CNOT7: variants seen among roughly 807,000 people sequenced by gnomAD.
CNOT7 encodes the protein BTG1-binding factor 1.
Under a neutral mutation model 37.1 loss-of-function variants are expected in CNOT7, and 4 were observed. That is an observed-to-expected ratio of 0.11 (90% CI 0.05 to 0.25). CNOT7 has a LOEUF of 0.25. Ranked by LOEUF, CNOT7 falls within the 10% of genes least tolerant of loss-of-function variation. The pLI, the probability that CNOT7 is intolerant of heterozygous loss-of-function variation, is 1.00. For missense variants in CNOT7, 170 were observed against 336.2 expected, an observed-to-expected ratio of 0.51 and a Z score of 3.87; for synonymous variants, 128 against 115.6, an observed-to-expected ratio of 1.11 and a Z score of -0.69.
chr8:17,236,038 CT>C (rs1006611370), intron 4 of CNOT7, among the ~76,000 whole-genome samples: 1 of 151,740 alleles, frequency 6.6e-6, no homozygotes, highest in African/African-American at 2.4e-5. Context: ...AGAAAAATGA[CT>C]AAAAAAAAGG....
At chr8:17,244,804 T>C in intron 2 of CNOT7, 3 of 435,224 alleles carry the variant, frequency 6.9e-6, no homozygotes, top group South Asian at 6.1e-5. Flanking sequence ...AAACGGCCCA[T>C]GGTTCCCATG....
chr8:17,230,130 CTTT>C lies in CNOT7; in HGVS notation c.*587_*589del, dbSNP rs1205596563. 6.6e-6 allele frequency: 1 copy of C among 152,392 alleles called. No homozygotes were observed. Among genetic ancestry groups the C allele is most frequent in the Non-Finnish European group, 1.5e-5 (1 of 67,906 alleles). The allele number at this position is 152,392 out of a possible 1,614,324, so 9.4% of individuals were successfully genotyped here. On this transcript the variant is annotated 3_prime_UTR_variant, in exon 7 of 7. Transcript: ENST00000361272. Reference sequence around the variant, plus strand: ...ACTAAGCTCCTCAGTAGTTTCTTGTCTTTTTTAAGTTTCGCTGAATCGACAGTT... The same window carrying C: ...ACTAAGCTCCTCAGTAGTTTCTTGTCTTTAAGTTTCGCTGAATCGACAGTT...
chr8:17,234,431 T>G (rs1809063959), intron 5 of CNOT7, among the ~76,000 whole-genome samples: 1 of 152,148 alleles, frequency 6.6e-6, no homozygotes, highest in African/African-American at 2.4e-5. Flanking sequence ...CTCAGATTTG[T>G]GTTTTGGTTT....
rs1585795939 is a variant in CNOT7 at position 17,234,966 on chromosome 8, C to T, written c.474-106G>A. 7.9e-6 allele frequency: 7 copies of T among 889,722 alleles called. No individual in the cohort carries two copies. The East Asian group carries it at 1.3e-4, about 17-fold the overall frequency. 55.1% of individuals were successfully genotyped at this position (889,722 alleles called of 1,614,324 possible). On this transcript the variant is annotated intron_variant, in intron 4 of 6. Coordinates refer to ENST00000361272, the MANE Select transcript of CNOT7 (RefSeq NM_013354.7). ...TTTAAGCAAGTCACACTAGAGCCCT[C>T]CCAAAAACATTAAAGAGAAGTGCAC... is the stretch of plus-strand genomic sequence containing the variant.
intron 4 of CNOT7, among the ~76,000 whole-genome samples, chr8:17,236,730 C>T (rs939432104): frequency 1.3e-5 from 2 of 152,134 alleles, no homozygotes; most frequent in African/African-American, 2.4e-5. Context: ...GTCTGCCCAC[C>T]CCCATGAGAA....
chr8:17,226,162 T>C lies in CNOT7; in HGVS notation c.*4558A>G, dbSNP rs1164608522. On this transcript the variant is annotated 3_prime_UTR_variant, in exon 7 of 7. Coordinates refer to ENST00000361272, the MANE Select transcript of CNOT7 (RefSeq NM_013354.7). ...TTCACCAAATTTTTATTCTAAAAAT[T>C]GAAAACTCAAAATATTGAGTACAAT... is the stretch of plus-strand genomic sequence containing the variant. The C allele has an allele frequency of 1.3e-5, 2 of 148,998 alleles. No homozygotes were observed. The allele number at this position is 148,998 out of a possible 1,614,324, so 9.2% of individuals were successfully genotyped here.
Position 17,227,572 on chromosome 8 carries a change from T to C in CNOT7, c.*3148A>G, listed in dbSNP as rs1808244500. 6.6e-6 allele frequency: 1 copy of C among 151,964 alleles called. No homozygotes were observed. Among genetic ancestry groups the C allele is most frequent in the South Asian group, 2.1e-4 (1 of 4,834 alleles). The allele number at this position is 151,964 out of a possible 1,614,324, so 9.4% of individuals were successfully genotyped here. On this transcript the variant is annotated 3_prime_UTR_variant, in exon 7 of 7. Coordinates refer to ENST00000361272, the MANE Select transcript of CNOT7 (RefSeq NM_013354.7). ...TTCTTTGCTTGGCTAACAAATAGGCTACTTGTAAACATTTTGGTTGCAGCC... is the reference window on the plus strand; with the variant it reads ...TTCTTTGCTTGGCTAACAAATAGGCCACTTGTAAACATTTTGGTTGCAGCC...
chr8:17,245,597 T>C (rs1484515014), intron 1 of CNOT7, among the ~76,000 whole-genome samples: 2 of 152,230 alleles, frequency 1.3e-5, no homozygotes, highest in Non-Finnish European at 2.9e-5. Context: ...ATTACTTATT[T>C]ACATGTGACA....
intron 6 of CNOT7, 38 bp downstream of exon 6, chr8:17,232,389 A>C: frequency 6.2e-7 from 1 of 1,613,530 alleles, no homozygotes; most frequent in Non-Finnish European, 8.5e-7. Context: ...TTCTCAACCT[A>C]ACAACCAACT....
rs762273429 is a variant in CNOT7 at position 17,243,180 on chromosome 8, G to A, written c.123C>T (p.Thr41=). 23 of 1,589,232 alleles carry A rather than the reference G, an allele frequency of 1.4e-5. No homozygotes were observed. In the South Asian group the frequency reaches 1.8e-4, roughly 12 times the overall value. The change falls in exon 3 of 7, where the codon ACC becomes ACT. Residue 41 remains threonine, a synonymous_variant. Transcript: ENST00000361272. ...IRKYNYVAMD[T]EFPGVVARPI... ...GTCTTGCAACCACACCTGGAAACTC[G>A]GTGTCCTGTAAAATAGTTTTAAGAT... is the stretch of plus-strand genomic sequence containing the variant.
At position 17,232,541 on chromosome 8, in the gene CNOT7, G is replaced by GA. The variant is rs1808767990; in HGVS notation, c.619-5dup. ...CTGCCACCTCCTGTAATCCACCCTA[G>GA]AAAAAATAAAAAATTGCTTGTCAAG... On this transcript the variant is annotated splice_polypyrimidine_tract_variant and splice_region_variant and intron_variant, in intron 5 of 6. Transcript: ENST00000361272. 1.9e-6 allele frequency: 3 copies of GA among 1,602,950 alleles called. No individual in the cohort carries two copies. Among genetic ancestry groups the GA allele is most frequent in the African/African-American group, 1.4e-5 (1 of 73,916 alleles).
intron 3 of CNOT7, among the ~76,000 whole-genome samples, chr8:17,239,641 A>G (rs1022329811): frequency 3.3e-5 from 5 of 152,024 alleles, no homozygotes; most frequent in Admixed American, 1.3e-4. Flanking sequence ...ACAGGTGCTC[A>G]CCACCACACC....
intron 6 of CNOT7, 150 bp from the exon 7 acceptor site, chr8:17,230,998 T>G (rs1808526727): frequency 1.8e-6 from 1 of 552,048 alleles, no homozygotes; most frequent in Non-Finnish European, 3.2e-6. Context: ...CGCATTTCAG[T>G]TCAATGAGTA....
intron 2 of CNOT7, chr8:17,244,557 AAAAT>A (rs1490064134): frequency 1.3e-5 from 2 of 152,986 alleles, no homozygotes; most frequent in Non-Finnish European, 2.9e-5. Flanking sequence ...CAAGGACAAA[AAAAT>A]AAAAATGTCA....
At chr8:17,237,005 T>C (rs1809458839) in intron 4 of CNOT7, among the ~76,000 whole-genome samples, 1 of 152,210 alleles carries the variant, frequency 6.6e-6, no homozygotes, top group African/African-American at 2.4e-5. Context: ...CTATGCAACA[T>C]GCTTCTCACA....
chr8:17,230,510 G>A lies in CNOT7; in HGVS notation c.*210C>T. Reference sequence around the variant, plus strand: ...TTGCTAACAAGTATATTAAATTAAGGCCAAATTTAACCTGAATGCGTTTTT... The same window carrying A: ...TTGCTAACAAGTATATTAAATTAAGACCAAATTTAACCTGAATGCGTTTTT... On this transcript the variant is annotated 3_prime_UTR_variant, in exon 7 of 7. Transcript: ENST00000361272. 3 of 338,050 alleles carry A rather than the reference G, an allele frequency of 8.9e-6. No homozygotes were observed. The highest frequency in any genetic ancestry group is 1.6e-5 in the Non-Finnish European group (3 of 186,390). 20.9% of individuals were successfully genotyped at this position (338,050 alleles called of 1,614,324 possible).
At chr8:17,232,178 G>T in intron 6 of CNOT7, 2 of 1,251,782 alleles carry the variant, frequency 1.6e-6, no homozygotes, top group Non-Finnish European at 2.0e-6. Context: ...GGACCTACAT[G>T]ACTTCTCAGG....
intron 3 of CNOT7, among the ~76,000 whole-genome samples, chr8:17,238,892 G>A (rs879293237): frequency 3.9e-5 from 6 of 152,106 alleles, no homozygotes; most frequent in African/African-American, 7.2e-5. Flanking sequence ...TTGCCTCATC[G>A]CCAAAGCTAA....
chr8:17,232,005 C>A, intron 6 of CNOT7: 1 of 1,008,312 alleles, frequency 9.9e-7, no homozygotes, highest in Non-Finnish European at 1.2e-6. Flanking sequence ...CCAGTTTAAA[C>A]CTTAAAAGGG....
Sources: gnomAD v4.1 joint callset for allele counts (sites outside exome capture counted in the v4.1 genomes callset) on GRCh38, gnomAD v4.1.1 for gene constraint, MANE v1.5 for transcripts, NCBI Gene and HGNC (gene_info 2026-07-23, HGNC 2026-07-21) for gene names.